The following GUCY1A2 variants were observed in gnomAD, a reference collection of about 807,000 sequenced individuals.
GUCY1A2 encodes guanylate cyclase soluble subunit alpha-2.
Under a neutral mutation model 63.5 loss-of-function variants are expected in GUCY1A2, and 27 were observed. That is an observed-to-expected ratio of 0.43 (90% CI 0.31 to 0.59). The LOEUF (loss-of-function observed/expected upper bound fraction) is 0.59, where lower values mean the gene tolerates loss of function less well. Ranked by LOEUF, GUCY1A2 falls within the 20% of genes least tolerant of loss-of-function variation. The pLI is 0.11. For missense variants in GUCY1A2, 768 were observed against 913.3 expected, an observed-to-expected ratio of 0.84 and a Z score of 2.05; for synonymous variants, 364 against 343.5, an observed-to-expected ratio of 1.06 and a Z score of -0.66.
At chr11:106,765,594 A>G (rs1864148820) in intron 6 of GUCY1A2, among the ~76,000 whole-genome samples, 2 of 152,260 alleles carry the variant, frequency 1.3e-5, no homozygotes, top group Middle Eastern at 3.4e-3. Flanking sequence ...AGATTCATGT[A>G]GAATCAGGCT....
At position 106,939,573 on chromosome 11, in the gene GUCY1A2, C is replaced by T. The variant is rs367879752; in HGVS notation, c.1093G>A (p.Glu365Lys). ...GCATTAACCTTTGGAGATACAATCT[C>T]GAAGCAGTCCTCAAACTTGAGCACT... ...HKVLKFEDCF[E>K]IVSPKVNATF... is the part of the protein sequence containing the mutation. Residue 365 changes from glutamate to lysine, a missense_variant, in exon 4 of 8, where the codon GAG (glutamate) becomes AAG (lysine). This residue lies in a region of GUCY1A2 where 496 missense variants were observed against 486.9 expected (regional missense o/e 1.02). Transcript: ENST00000526355. The T allele has an allele frequency of 3.2e-5, 51 of 1,613,640 alleles. No homozygotes were observed. The highest frequency in any genetic ancestry group is 4.2e-5 in the Non-Finnish European group (49 of 1,179,696).
At chr11:106,970,087 T>A (rs1861174749) in intron 3 of GUCY1A2, among the ~76,000 whole-genome samples, 1 of 152,156 alleles carries the variant, frequency 6.6e-6, no homozygotes, top group African/African-American at 2.4e-5. Context: ...TTAAGTGAGT[T>A]TGACTCACTG....
At chr11:106,716,863 A>G (rs1378718572) in intron 6 of GUCY1A2, among the ~76,000 whole-genome samples, 53 of 151,506 alleles carry the variant, frequency 3.5e-4, no homozygotes, top group Admixed American at 3.5e-3. Flanking sequence ...CAGCTAGTGC[A>G]GGATACATTT....
chr11:106,702,721 T>C (rs1304141365), intron 7 of GUCY1A2, among the ~76,000 whole-genome samples: 1 of 151,588 alleles, frequency 6.6e-6, no homozygotes, highest in African/African-American at 2.4e-5. Context: ...TTTCAAATCC[T>C]CAAAGACAAG....
At chr11:106,900,660 C>G (rs1172385483) in intron 4 of GUCY1A2, among the ~76,000 whole-genome samples, 1 of 152,088 alleles carries the variant, frequency 6.6e-6, no homozygotes, top group Non-Finnish European at 1.5e-5. Context: ...AGGCATAGCT[C>G]AGAGATATTG....
intron 1 of GUCY1A2, among the ~76,000 whole-genome samples, chr11:107,012,475 A>G (rs959700730): frequency 6.6e-5 from 10 of 152,164 alleles, no homozygotes; most frequent in African/African-American, 2.4e-4. Context: ...CTTATACACA[A>G]CAAACCTACA....
intron 6 of GUCY1A2, among the ~76,000 whole-genome samples, chr11:106,754,112 C>A (rs1591262582): frequency 6.6e-6 from 1 of 152,026 alleles, no homozygotes; most frequent in Non-Finnish European, 1.5e-5. Context: ...ATTCTCTTTG[C>A]AGCAATTGTG....
intron 6 of GUCY1A2, among the ~76,000 whole-genome samples, chr11:106,728,216 A>G (rs1863440698): frequency 6.6e-6 from 1 of 151,962 alleles, no homozygotes; most frequent in Admixed American, 6.6e-5. Context: ...TTACCTAACA[A>G]TTTCCTATTC....
chr11:106,905,960 T>G (rs1860199144), intron 4 of GUCY1A2, among the ~76,000 whole-genome samples: 2 of 152,138 alleles, frequency 1.3e-5, no homozygotes, highest in South Asian at 4.1e-4. Flanking sequence ...GATTAAACAC[T>G]TAAACGTAAG....
chr11:106,878,373 A>G (rs1335084421), intron 4 of GUCY1A2, among the ~76,000 whole-genome samples: 3 of 152,088 alleles, frequency 2.0e-5, no homozygotes, highest in Non-Finnish European at 4.4e-5. Context: ...AATAGAACCA[A>G]CCTAAATGCC....
intron 4 of GUCY1A2, among the ~76,000 whole-genome samples, chr11:106,877,306 C>A: frequency 6.6e-6 from 1 of 151,960 alleles, no homozygotes; most frequent in East Asian, 1.9e-4. Flanking sequence ...TTTGGATGCC[C>A]TTTATTTCTC....
At chr11:106,972,901 G>A (rs976834522) in intron 3 of GUCY1A2, among the ~76,000 whole-genome samples, 1 of 152,060 alleles carries the variant, frequency 6.6e-6, no homozygotes, top group African/African-American at 2.4e-5. Context: ...AAAGAAGCCA[G>A]CGAAAAGGCT....
intron 4 of GUCY1A2, among the ~76,000 whole-genome samples, chr11:106,858,024 T>C (rs1859460708): frequency 6.6e-6 from 1 of 152,146 alleles, no homozygotes; most frequent in Non-Finnish European, 1.5e-5. Context: ...AAACCCAAGA[T>C]AGGCCTCTCA....
intron 6 of GUCY1A2, among the ~76,000 whole-genome samples, chr11:106,741,952 T>C (rs1297466741): frequency 6.6e-6 from 1 of 152,246 alleles, no homozygotes; most frequent in African/African-American, 2.4e-5. Flanking sequence ...TGAATGAAGT[T>C]ATGACATTTG....
At chr11:106,817,711 A>G (rs950490413) in intron 4 of GUCY1A2, among the ~76,000 whole-genome samples, 1 of 152,180 alleles carries the variant, frequency 6.6e-6, no homozygotes, top group Non-Finnish European at 1.5e-5. Context: ...TCTCAAAAGA[A>G]GACATACAAA....
chr11:106,834,826 T>C (rs1311220677), intron 4 of GUCY1A2, among the ~76,000 whole-genome samples: 12 of 151,966 alleles, frequency 7.9e-5, no homozygotes, highest in Admixed American at 7.9e-4. Flanking sequence ...GATTTAGCTT[T>C]ACCTTAGCAG....
chr11:106,750,269 A>G (rs1257163924), intron 6 of GUCY1A2, among the ~76,000 whole-genome samples: 1 of 152,020 alleles, frequency 6.6e-6, no homozygotes, highest in African/African-American at 2.4e-5. Context: ...AGCTTATCCC[A>G]CCTTCTTCCC....
intron 6 of GUCY1A2, among the ~76,000 whole-genome samples, chr11:106,734,545 ATTTCC>A (rs1863556484): frequency 6.6e-6 from 1 of 152,156 alleles, no homozygotes; most frequent in African/African-American, 2.4e-5. Flanking sequence ...ATATCTTAGT[ATTTCC>A]TTTAACAACT....
chr11:106,816,565 T>G (rs1192849547), intron 4 of GUCY1A2, among the ~76,000 whole-genome samples: 18 of 146,296 alleles, frequency 1.2e-4, no homozygotes, highest in Admixed American at 1.2e-3. Flanking sequence ...AAGAGCAAAA[T>G]AAACCCAAAG....
Sources: allele counts gnomAD v4.1 joint callset (sites outside exome capture counted in the v4.1 genomes callset), GRCh38; gene constraint gnomAD v4.1.1; regional missense constraint gnomAD v4.1.1; transcripts MANE v1.5; gene names NCBI Gene and HGNC (gene_info 2026-07-23, HGNC 2026-07-21).